Variants in ZNF683 observed in about 807,000 individuals in gnomAD.
The protein encoded by ZNF683 is zinc finger protein 683.
ZNF683 carries 20 observed loss-of-function variants against 31.4 expected under a neutral mutation model. That is an observed-to-expected ratio of 0.64 (90% CI 0.45 to 0.93). ZNF683 has a LOEUF of 0.93. Ranked by LOEUF, ZNF683 falls within the 40% of genes least tolerant of loss-of-function variation. The probability of loss-of-function intolerance (pLI) is 0.00; values close to 1 mark genes in which losing one functional copy is unlikely to be tolerated. For synonymous variants in ZNF683, 264 were observed against 267.6 expected, an observed-to-expected ratio of 0.99 and a Z score of 0.13; for missense variants, 621 against 637.2, an observed-to-expected ratio of 0.97 and a Z score of 0.27.
Position 26,367,692 on chromosome 1 carries a change from G to A in ZNF683, c.220C>T (p.Leu74=), listed in dbSNP as rs745465552. The A allele has an allele frequency of 1.2e-6, 2 of 1,612,760 alleles. No individual in the cohort carries two copies. The highest frequency in any genetic ancestry group is 3.3e-5 in the Admixed American group (2 of 59,912). The change falls in exon 3 of 6, where the codon CTG becomes TTG. Residue 74 remains leucine, a synonymous_variant. Coordinates refer to ENST00000349618, the MANE Select transcript of ZNF683 (RefSeq NM_001114759.3). ...AGGTCCAGGTCCTGTAGGCAGGCCA[G>A]CAGTGCAGACCTGCCCGGTGCCAGG... ...LPLAPGRSAL[L]ACLQDLDLNL...
chr1:26,371,861 G>A (rs2074677518), intron 1 of ZNF683, among the ~76,000 whole-genome samples: 1 of 149,404 alleles, frequency 6.7e-6, no homozygotes, highest in Non-Finnish European at 1.5e-5. Context: ...GAGCCAGGGA[G>A]GTCGAGACTG....
At chr1:26,371,231 C>G (rs80073646) in intron 1 of ZNF683, among the ~76,000 whole-genome samples, 7 of 152,172 alleles carry the variant, frequency 4.6e-5, no homozygotes, top group Non-Finnish European at 1.0e-4. Context: ...TTTTCCTCCT[C>G]CAAGTCCCAT....
In ZNF683 at chr1:26,368,507, C is replaced by T. The variant is rs35040247; in HGVS notation, c.65G>A (p.Gly22Glu). The change falls in exon 2 of 6, where the codon GGG (glycine) becomes GAG (glutamate). Residue 22 changes from glycine (G) to glutamate (E), a missense_variant. By Grantham distance (98) the Gly-to-Glu change is moderately conservative. Coordinates refer to ENST00000349618, the MANE Select transcript of ZNF683 (RefSeq NM_001114759.3). ...GTCCAGGCTGGGGGACAGGGAGCCC[C>T]CTGTACCTCCCAGGGCCATGGGCCT... ...CHRPMALGGT[G>E]GSLSPSLDFQ... 1.9e-6 allele frequency: 3 copies of T among 1,605,606 alleles called. No homozygotes were observed. Among genetic ancestry groups the T allele is most frequent in the Middle Eastern group, 1.7e-4 (1 of 6,052 alleles).
chr1:26,369,249 T>C (rs1457214244), intron 1 of ZNF683, among the ~76,000 whole-genome samples: 1 of 148,984 alleles, frequency 6.7e-6, no homozygotes, highest in Non-Finnish European at 1.5e-5. Flanking sequence ...CTTCTAAAAA[T>C]AAAATAAAAT....
At position 26,368,533 on chromosome 1, in the gene ZNF683, A is replaced by G; in HGVS notation, c.39T>C (p.His13=). The change falls in exon 2 of 6, where the codon CAT becomes CAC. Residue 13 remains histidine, a synonymous_variant. Coordinates refer to ENST00000349618, the MANE Select transcript of ZNF683 (RefSeq NM_001114759.3). ...CTGTACCTCCCAGGGCCATGGGCCT[A>G]TGACAACAACCTAATTGTGCAGCTG... ...EESAAQLGCC[H]RPMALGGTGG... is the part of the protein sequence containing the mutation. 1.2e-6 allele frequency: 2 copies of G among 1,607,178 alleles called. No homozygotes were observed. Among genetic ancestry groups the G allele is most frequent in the Non-Finnish European group, 8.5e-7 (1 of 1,176,740 alleles).
At chr1:26,363,736 GGAAA>G (rs1419667418) in intron 4 of ZNF683, among the ~76,000 whole-genome samples, 3 of 17,798 alleles carry the variant, frequency 1.7e-4, no homozygotes, top group African/African-American at 5.8e-4. Context: ...GACTCCATAT[GGAAA>G]AAAAAAAAAA....
Position 26,365,016 on chromosome 1 carries a change from G to T in ZNF683, c.530C>A (p.Pro177His), listed in dbSNP as rs1016834112. Residue 177 changes from proline (P) to histidine (H), a missense_variant, in exon 4 of 6, where the codon CCT becomes CAT. Pro to His is a moderately conservative substitution (Grantham distance 77). Coordinates refer to ENST00000349618, the MANE Select transcript of ZNF683 (RefSeq NM_001114759.3). Reference protein sequence around the residue: ...PSPLAFCPCPPVNSISKELPF... With the variant: ...PSPLAFCPCPHVNSISKELPF... The stretch of plus-strand genomic sequence containing the variant: ...GAGCTCCTTGGAGATGGAGTTGACA[G>T]GGGGACAGGGGCAGAAAGCCAAGGG... The T allele has an allele frequency of 3.4e-5, 54 of 1,586,094 alleles. No individual in the cohort carries two copies. The highest frequency in any genetic ancestry group is 4.4e-5 in the Non-Finnish European group (51 of 1,168,576).
chr1:26,364,720 C>G lies in ZNF683; in HGVS notation c.826G>C (p.Ala276Pro), dbSNP rs145546121. The G allele has an allele frequency of 1.4e-5, 22 of 1,613,790 alleles. 1 individual carries two copies. In the African/African-American group the frequency reaches 2.8e-4, roughly 21 times the overall value. ...GGGGAGTCGGTTGGGGCAGCTCCAG[C>G]ACCTGGATTTCGGGCCTGGGAAGGC... is the stretch of plus-strand genomic sequence containing the variant. ...ALPSQARNPG[A>P]GAAPTDSPGL... The change falls in exon 4 of 6, where the codon GCT (alanine) becomes CCT (proline). Residue 276 changes from alanine (A) to proline (P), a missense_variant. Coordinates refer to ENST00000349618, the MANE Select transcript of ZNF683 (RefSeq NM_001114759.3).
Position 26,364,686 on chromosome 1 carries a change from T to A in ZNF683, c.860A>T (p.Glu287Val). ...TGCTGGAGATGCCATGCCACCACGC[T>A]CCAGGCCTGGGGAGTCGGTTGGGGC... ...GAAPTDSPGLERGGMASPAKR... is the reference protein window; with the variant it reads ...GAAPTDSPGLVRGGMASPAKR... The change falls in exon 4 of 6, where the codon GAG (glutamate) becomes GTG (valine). Residue 287 changes from glutamate (E) to valine (V), a missense_variant. Transcript: ENST00000349618. The A allele has an allele frequency of 6.2e-7, 1 of 1,613,854 alleles. No individual in the cohort carries two copies. Among genetic ancestry groups the A allele is most frequent in the Non-Finnish European group, 8.5e-7 (1 of 1,179,840 alleles).
Position 26,363,050 on chromosome 1 carries a change from A to C in ZNF683, c.1119T>G (p.Thr373=). Residue 373 remains threonine (T), a synonymous_variant, in exon 5 of 6, where the codon ACT becomes ACG. Transcript: ENST00000349618. ...AHLQKHHLVH[T]GERPHKCSVC... ...CCGAGCACTTGTGGGGCCGCTCCCC[A>C]GTGTGCACCAGGTGGTGCTTCTGCA... is the stretch of plus-strand genomic sequence containing the variant. 6.2e-7 allele frequency: 1 copy of C among 1,611,958 alleles called. No individual in the cohort carries two copies. Among genetic ancestry groups the C allele is most frequent in the Non-Finnish European group, 8.5e-7 (1 of 1,178,994 alleles).
chr1:26,369,439 G>A (rs981057426), intron 1 of ZNF683, among the ~76,000 whole-genome samples: 10 of 151,700 alleles, frequency 6.6e-5, no homozygotes, highest in African/African-American at 4.8e-5. Flanking sequence ...AGGCTGAAGC[G>A]GGCGGATCAC....
chr1:26,374,225 A>C, upstream of ZNF683: 2 of 1,302,414 alleles, frequency 1.5e-6, no homozygotes, highest in Non-Finnish European at 2.0e-6. Context: ...ATCACAGGGA[A>C]GTGAGGGGCA....
At chr1:26,366,811 A>AC (rs953828248) in intron 3 of ZNF683, among the ~76,000 whole-genome samples, 3 of 150,932 alleles carry the variant, frequency 2.0e-5, no homozygotes, top group African/African-American at 4.9e-5. Context: ...ACCTGCCACC[A>AC]CCCCCCAGCT....
rs754772015 is a variant in ZNF683, at chr1:26,367,569, T to G, written c.319+24A>C. On this transcript the variant is annotated intron_variant, in intron 3 of 5. Transcript: ENST00000349618. ...CCCTCCAGCCTCTGCCAGGCGCAGG[T>G]GCAGCCCGGTGCCCTGGGCTTACTC... 4 of 1,543,206 alleles carry G rather than the reference T, an allele frequency of 2.6e-6. No homozygotes were observed. The South Asian group carries it at 5.0e-5, about 19-fold the overall frequency.
intron 1 of ZNF683, among the ~76,000 whole-genome samples, chr1:26,370,935 G>C (rs1233802942): frequency 6.6e-6 from 1 of 152,160 alleles, no homozygotes; most frequent in African/African-American, 2.4e-5. Context: ...GGGGCTACTG[G>C]AATTTCAGGA....
intron 3 of ZNF683, 49 bp downstream of exon 3, chr1:26,367,544 C>T: frequency 6.8e-7 from 1 of 1,477,442 alleles, no homozygotes; most frequent in South Asian, 1.4e-5. Context: ...GTGCCCCCCA[C>T]CCTCCAGCCT....
chr1:26,368,187 C>T (rs914884339), intron 2 of ZNF683, among the ~76,000 whole-genome samples: 1 of 152,252 alleles, frequency 6.6e-6, no homozygotes, highest in African/African-American at 2.4e-5. Flanking sequence ...TGAGCCCCTG[C>T]TCACTAAGGC....
intron 1 of ZNF683, among the ~76,000 whole-genome samples, chr1:26,371,906 T>C (rs1396667358): frequency 1.3e-5 from 2 of 152,144 alleles, no homozygotes; most frequent in Non-Finnish European, 2.9e-5. Flanking sequence ...CACTCCAGCC[T>C]GGGTGACAGA....
rs773586078 is a variant in ZNF683, at chr1:26,367,752, C to T, written c.160G>A (p.Gly54Ser). Reference sequence around the variant, plus strand: ...CACAGCCAGCTGGCACAGGATGGGCCATGAGCATCCACCATGTCTGGAAGT... The same window carrying T: ...CACAGCCAGCTGGCACAGGATGGGCTATGAGCATCCACCATGTCTGGAAGT... ...RPLPDMVDAH[G>S]PSCASWLCPL... The change falls in exon 3 of 6, where the codon GGC (glycine) becomes AGC (serine). Residue 54 changes from glycine (G) to serine (S), a missense_variant. Gly to Ser is a moderately conservative substitution (Grantham distance 56). Coordinates refer to ENST00000349618, the MANE Select transcript of ZNF683 (RefSeq NM_001114759.3). 2 of 1,608,628 alleles carry T rather than the reference C, an allele frequency of 1.2e-6. No homozygotes were observed. The highest frequency in any genetic ancestry group is 2.2e-5 in the South Asian group (2 of 90,264).
Sources: allele counts gnomAD v4.1 joint callset (sites outside exome capture counted in the v4.1 genomes callset), GRCh38; gene constraint gnomAD v4.1.1; transcripts MANE v1.5; gene names NCBI Gene and HGNC (gene_info 2026-07-23, HGNC 2026-07-21).